PLEKHF1: variants seen among roughly 807,000 people sequenced by gnomAD.
The protein encoded by PLEKHF1 is pleckstrin homology domain-containing family F member 1.
A neutral mutation model predicts 4.1 loss-of-function variants in PLEKHF1; 1 was observed. That is an observed-to-expected ratio of 0.24 (90% CI 0.09 to 1.15). The LOEUF is 1.15. Ranked by LOEUF, PLEKHF1 falls within the 50% of genes most tolerant of loss-of-function variation. The pLI is 0.52. For synonymous variants in PLEKHF1, 182 were observed against 178.5 expected (o/e 1.02, Z -0.16); for missense variants, 429 against 400.6 (o/e 1.07, Z -0.60).
chr19:29,669,569 C>T (rs1971606756), intron 1 of PLEKHF1, among the ~76,000 whole-genome samples: 1 of 152,208 alleles, frequency 6.6e-6, no homozygotes, highest in African/African-American at 2.4e-5. Context: ...ATGAGACATG[C>T]TCAGCGGCCC....
In PLEKHF1 at chr19:29,674,823, C is replaced by A; in HGVS notation, c.*144C>A. The stretch of plus-strand genomic sequence containing the variant: ...TGGGGAGTGGCTCTTTCTGGACTCC[C>A]AGTGCCTTTTTGCTGGACACTGTGT... On this transcript the variant is annotated 3_prime_UTR_variant, in exon 2 of 2. Coordinates refer to ENST00000436066, the MANE Select transcript of PLEKHF1 (RefSeq NM_024310.5). The A allele has an allele frequency of 7.9e-7, 1 of 1,264,546 alleles. No homozygotes were observed. Among genetic ancestry groups the A allele is most frequent in the Non-Finnish European group, 1.1e-6 (1 of 934,788 alleles). 78.3% of individuals were successfully genotyped at this position (1,264,546 alleles called of 1,614,324 possible). A position where few individuals can be genotyped will look rare whatever the true frequency, so the allele number is the denominator to read the frequency against.
chr19:29,668,155 T>C (rs1971590427), intron 1 of PLEKHF1, among the ~76,000 whole-genome samples: 1 of 151,994 alleles, frequency 6.6e-6, no homozygotes, highest in African/African-American at 2.4e-5. Context: ...CCCCCACCCC[T>C]CTGAACCCTC....
chr19:29,666,036 A>G (rs992735748), intron 1 of PLEKHF1, among the ~76,000 whole-genome samples: 1 of 151,970 alleles, frequency 6.6e-6, no homozygotes, highest in African/African-American at 2.4e-5. Flanking sequence ...GCCAAGGGAA[A>G]CAGGGTCGGG....
At chr19:29,673,093 G>T (rs1971648855) in intron 1 of PLEKHF1, among the ~76,000 whole-genome samples, 1 of 152,168 alleles carries the variant, frequency 6.6e-6, no homozygotes, top group Non-Finnish European at 1.5e-5. Flanking sequence ...TCTGGGGTTG[G>T]GTGGGAACTA....
Position 29,673,922 on chromosome 19 carries a change from C to A in PLEKHF1, c.83C>A (p.Pro28Gln). Residue 28 changes from proline (P) to glutamine (Q), a missense_variant, in exon 2 of 2, where the codon CCG (proline) becomes CAG (glutamine). Transcript: ENST00000436066. ...AGCTGCTTCGGGGCCTCGGGGCAGCCGCTGGCGCTGCCAGGCCGAGTGCTG... is the reference window on the plus strand; with the variant it reads ...AGCTGCTTCGGGGCCTCGGGGCAGCAGCTGGCGCTGCCAGGCCGAGTGCTG... ...VESCFGASGQ[P>Q]LALPGRVLLG... The A allele has an allele frequency of 6.2e-7, 1 of 1,613,100 alleles. No homozygotes were observed. Among genetic ancestry groups the A allele is most frequent in the Non-Finnish European group, 8.5e-7 (1 of 1,179,654 alleles).
At chr19:29,669,081 G>C (rs1402215574) in intron 1 of PLEKHF1, among the ~76,000 whole-genome samples, 1 of 152,178 alleles carries the variant, frequency 6.6e-6, no homozygotes, top group South Asian at 2.1e-4. Flanking sequence ...CCTAGAGGGG[G>C]TCTGTGAGTC....
Position 29,671,143 on chromosome 19 carries a change from A to G in PLEKHF1, c.-16-2681A>G, listed in dbSNP as rs1428962780. Among the ~76,000 whole-genome samples, 1 of 148,530 alleles carries G rather than the reference A, an allele frequency of 6.7e-6. No individual in the cohort carries two copies. Among genetic ancestry groups the G allele is most frequent in the East Asian group, 2.0e-4 (1 of 5,038 alleles). On this transcript the variant is annotated intron_variant, in intron 1 of 1. Coordinates refer to ENST00000436066, the MANE Select transcript of PLEKHF1 (RefSeq NM_024310.5). This position sits in a 1 kb window ranked among gnomAD's most constrained non-coding sequence, Gnocchi z 4.0. ...GAGATGGAATCTCACTCTGTCACACAGGCTGGAGTGCAATGGCGCCATCTT... is the reference window on the plus strand; with the variant it reads ...GAGATGGAATCTCACTCTGTCACACGGGCTGGAGTGCAATGGCGCCATCTT...
At position 29,674,092 on chromosome 19, in the gene PLEKHF1, G is replaced by T; in HGVS notation, c.253G>T (p.Val85Phe). The part of the protein sequence containing the change: ...RSQHIIPLEE[V>F]TLELLPETLQ... ...CCAGCACATCATCCCCCTGGAGGAG[G>T]TCACACTGGAGCTGTTGCCGGAGAC... Residue 85 changes from valine (V) to phenylalanine (F), a missense_variant, in exon 2 of 2, where the codon GTC becomes TTC. Coordinates refer to ENST00000436066, the MANE Select transcript of PLEKHF1 (RefSeq NM_024310.5). 1 of 1,614,030 alleles carries T rather than the reference G, an allele frequency of 6.2e-7. No individual in the cohort carries two copies. The highest frequency in any genetic ancestry group is 1.3e-5 in the African/African-American group (1 of 75,070).
rs1003153117 is a variant in PLEKHF1 at position 29,671,144 on chromosome 19, G to C, written c.-16-2680G>C. 7.4e-5 allele frequency among the ~76,000 whole-genome samples: 11 copies of C among 149,316 alleles called. No individual in the cohort carries two copies. The highest frequency in any genetic ancestry group is 2.5e-4 in the African/African-American group (10 of 40,312). On this transcript the variant is annotated intron_variant, in intron 1 of 1. Transcript: ENST00000436066. The surrounding 1 kb of genome is among the most constrained non-coding windows in gnomAD (Gnocchi z 4.0). ...AGATGGAATCTCACTCTGTCACACAGGCTGGAGTGCAATGGCGCCATCTTG... is the reference window on the plus strand; with the variant it reads ...AGATGGAATCTCACTCTGTCACACACGCTGGAGTGCAATGGCGCCATCTTG...
In PLEKHF1 at chr19:29,674,973, G is replaced by A. The variant is rs970798649; in HGVS notation, c.*294G>A. On this transcript the variant is annotated 3_prime_UTR_variant, in exon 2 of 2. Coordinates refer to ENST00000436066, the MANE Select transcript of PLEKHF1 (RefSeq NM_024310.5). ...GCGGCAGCTCCAGATGGCCTCCTGA[G>A]CTGGACGACCCCAGGTCTCCAGACA... 2.5e-6 allele frequency: 1 copy of A among 403,044 alleles called. No homozygotes were observed. The highest frequency in any genetic ancestry group is 4.6e-6 in the Non-Finnish European group (1 of 219,068). 25.0% of individuals were successfully genotyped at this position (403,044 alleles called of 1,614,324 possible). A position where few individuals can be genotyped will look rare whatever the true frequency, so the allele number is the denominator to read the frequency against.
intron 1 of PLEKHF1, among the ~76,000 whole-genome samples, chr19:29,667,742 C>T (rs189374609): frequency 5.3e-5 from 8 of 152,138 alleles, no homozygotes; most frequent in East Asian, 1.9e-4. Flanking sequence ...GAGGACAGGA[C>T]GACTCCCGTC....
chr19:29,673,458 C>T (rs1006756247), intron 1 of PLEKHF1, among the ~76,000 whole-genome samples: 11 of 151,878 alleles, frequency 7.2e-5, no homozygotes, highest in African/African-American at 2.7e-4. Flanking sequence ...GATCATAGCT[C>T]ACTGTAGCCT....
Position 29,674,558 on chromosome 19 carries a change from G to A in PLEKHF1, c.719G>A (p.Gly240Glu), listed in dbSNP as rs763413309. The A allele has an allele frequency of 3.1e-6, 5 of 1,595,376 alleles. No individual in the cohort carries two copies. In the Admixed American group the frequency reaches 8.6e-5, roughly 28 times the overall value. ...GCCCACCTGGCCCGGCCCATCTGCG[G>A]AGCGTCCAGTGGAGATGACGATGAC... ...QPAHLARPIC[G>E]ASSGDDDDSD... The change falls in exon 2 of 2, where the codon GGA (glycine) becomes GAA (glutamate). Residue 240 changes from glycine to glutamate, a missense_variant. Coordinates refer to ENST00000436066, the MANE Select transcript of PLEKHF1 (RefSeq NM_024310.5).
At chr19:29,668,468 C>T (rs574988841) in intron 1 of PLEKHF1, among the ~76,000 whole-genome samples, 29 of 151,896 alleles carry the variant, frequency 1.9e-4, no homozygotes, top group African/African-American at 6.8e-4. Flanking sequence ...ACCTGCTATC[C>T]CAGCACTTTG....
rs1359762047 is a variant in PLEKHF1, at chr19:29,675,370, G to A, written c.*691G>A. 1 of 167,116 alleles carries A rather than the reference G, an allele frequency of 6.0e-6. No homozygotes were observed. Among genetic ancestry groups the A allele is most frequent in the Non-Finnish European group, 1.5e-5 (1 of 68,124 alleles). 10.4% of individuals were successfully genotyped at this position (167,116 alleles called of 1,614,324 possible). ...TTGTCCTGTCCTCAGCTCTCCGTGT[G>A]GTCAGCGAAACCATTGTTTTCTGTT... On this transcript the variant is annotated 3_prime_UTR_variant, in exon 2 of 2. Transcript: ENST00000436066.
At position 29,665,477 on chromosome 19, in the gene PLEKHF1, G is replaced by C. The variant is rs1390192208; in HGVS notation, c.-45G>C. On this transcript the variant is annotated 5_prime_UTR_variant, in exon 1 of 2. Coordinates refer to ENST00000436066, the MANE Select transcript of PLEKHF1 (RefSeq NM_024310.5). ...ACCCGGGCTACTGCGGTGTGGACTCGAGGGCTGGGCGCGGGGCCGGCGCAG... is the reference window on the plus strand; with the variant it reads ...ACCCGGGCTACTGCGGTGTGGACTCCAGGGCTGGGCGCGGGGCCGGCGCAG... 4.3e-5 allele frequency: 46 copies of C among 1,068,872 alleles called. No individual in the cohort carries two copies. The South Asian group carries it at 4.9e-4, about 11-fold the overall frequency. The allele number at this position is 1,068,872 out of a possible 1,614,324, so 66.2% of individuals were successfully genotyped here. A position where few individuals can be genotyped will look rare whatever the true frequency, so the allele number is the denominator to read the frequency against.
intron 1 of PLEKHF1, 71 bp from the exon 2 acceptor site, chr19:29,673,753 G>A (rs923085721): frequency 6.5e-7 from 1 of 1,538,232 alleles, no homozygotes; most frequent in African/African-American, 1.4e-5. Flanking sequence ...AGTCAGTTGG[G>A]GGTGGGCAGC....
rs1971685616 is a variant in PLEKHF1, at chr19:29,674,762, C to T, written c.*83C>T. The T allele has an allele frequency of 1.0e-5, 15 of 1,480,570 alleles. No homozygotes were observed. The highest frequency in any genetic ancestry group is 1.0e-4 in the Admixed American group (4 of 40,176). The allele number at this position is 1,480,570 out of a possible 1,614,324, so 91.7% of individuals were successfully genotyped here. A position where few individuals can be genotyped will look rare whatever the true frequency, so the allele number is the denominator to read the frequency against. Reference sequence around the variant, plus strand: ...GGGCAGCTCCAGAAGCTGCCCAGGGCTCCGGGACCCCATCCCATGGTGGCA... The same window carrying T: ...GGGCAGCTCCAGAAGCTGCCCAGGGTTCCGGGACCCCATCCCATGGTGGCA... On this transcript the variant is annotated 3_prime_UTR_variant, in exon 2 of 2. Transcript: ENST00000436066.
In PLEKHF1 at chr19:29,674,317, C is replaced by T. The variant is rs761833002; in HGVS notation, c.478C>T (p.Arg160Cys). 8.2e-6 allele frequency: 13 copies of T among 1,582,680 alleles called. No homozygotes were observed. The highest frequency in any genetic ancestry group is 6.8e-6 in the Non-Finnish European group (8 of 1,171,272). The change falls in exon 2 of 2, where the codon CGC becomes TGC. Residue 160 changes from arginine (R) to cysteine (C), a missense_variant. Physicochemically the swap from Arg to Cys is radical, Grantham distance 180 (BLOSUM62 -3). Coordinates refer to ENST00000436066, the MANE Select transcript of PLEKHF1 (RefSeq NM_024310.5). The part of the protein sequence containing the change: ...IPDKATDICM[R>C]CTQTRFSALT... ...CGACAAGGCCACGGACATCTGCATG[C>T]GCTGCACGCAGACGCGCTTCTCTGC...
Sources: gnomAD v4.1 joint callset for allele counts (sites outside exome capture counted in the v4.1 genomes callset) on GRCh38, gnomAD v4.1.1 for gene constraint, Gnocchi (gnomAD v3.1) non-coding constraint, MANE v1.5 for transcripts, NCBI Gene and HGNC (gene_info 2026-07-23, HGNC 2026-07-21) for gene names.